The following COL6A5 variants were observed in gnomAD, a reference collection of about 807,000 sequenced individuals.
COL6A5 encodes collagen type VI alpha 5 chain, also known as collagen alpha-5(VI) chain.
A neutral mutation model predicts 65.6 loss-of-function variants in COL6A5; 48 were observed. The observed-to-expected ratio is 0.73, with a 90% CI of 0.58 to 0.93. The LOEUF (loss-of-function observed/expected upper bound fraction) is 0.93, where lower values mean the gene tolerates loss of function less well. Among genes scored for constraint, COL6A5 ranks in the 40% least tolerant of loss-of-function variants. The probability of loss-of-function intolerance (pLI) is 0.00; values close to 1 mark genes in which losing one functional copy is unlikely to be tolerated. For missense variants in COL6A5, 914 were observed against 928.3 expected (o/e 0.98, Z 0.20); for synonymous variants, 291 against 322.8 (o/e 0.90, Z 1.05).
chr3:130,428,063 G>C (rs1412498166), upstream of COL6A5, among the ~76,000 whole-genome samples: 4 of 152,152 alleles, frequency 2.6e-5, no homozygotes, highest in Non-Finnish European at 5.9e-5. Context: ...AAGGTAGGTG[G>C]AAGGGGCTGG....
intron 5 of COL6A5, among the ~76,000 whole-genome samples, chr3:130,461,875 T>C (rs1230946283): frequency 6.6e-6 from 1 of 151,898 alleles, no homozygotes; most frequent in Admixed American, 6.6e-5. Context: ...TGTAAATGAC[T>C]CCTAAGGCAT....
At chr3:130,467,081 T>G (rs1046841229) in intron 5 of COL6A5, among the ~76,000 whole-genome samples, 2 of 152,018 alleles carry the variant, frequency 1.3e-5, no homozygotes, top group Admixed American at 6.6e-5. Flanking sequence ...AGGGAATATT[T>G]CACAACTGAC....
chr3:130,362,290 A>C (rs1207169773), intron 1 of COL6A5, among the ~76,000 whole-genome samples: 5 of 2,400 alleles, frequency 2.1e-3, no homozygotes, highest in East Asian at 4.9e-3. Context: ...GTCTTTCTCC[A>C]TATATATATA....
At chr3:130,454,743 G>A (rs1476978616) in intron 4 of COL6A5, among the ~76,000 whole-genome samples, 1 of 152,140 alleles carries the variant, frequency 6.6e-6, no homozygotes, top group Non-Finnish European at 1.5e-5. Context: ...TCACAGCAGT[G>A]CTTGGTAGAT....
exon 3 of COL6A5, chr3:130,376,599 G>T (rs868668620): frequency 6.2e-7 from 1 of 1,608,996 alleles, no homozygotes; most frequent in South Asian, 1.1e-5. Flanking sequence ...CCTGGCTTCG[G>T]CTGAGTCTGA....
chr3:130,411,318 A>G (rs750992582), intron 20 of COL6A5, among the ~76,000 whole-genome samples: 5 of 152,232 alleles, frequency 3.3e-5, no homozygotes, highest in African/African-American at 9.6e-5. Context: ...AGAATAATGG[A>G]CAAAGTCCTA....
In COL6A5 at chr3:130,406,152, A is replaced by T. The variant is rs572953732; in HGVS notation, c.4402A>T (p.Ile1468Phe). 451 of 1,550,546 alleles carry T rather than the reference A, an allele frequency of 2.9e-4. 7 individuals carry two copies. In the South Asian group the frequency reaches 5.1e-3, roughly 17 times the overall value. The change falls in exon 16 of 42, where the codon ATT (isoleucine) becomes TTT (phenylalanine). Residue 1468 changes from isoleucine (I) to phenylalanine (F), a missense_variant and NMD_transcript_variant. Coordinates refer to the COL6A5 transcript ENST00000312481. ...TCAGGGAGGTCATGGAGACGATGGG[A>T]TTGATGGACTTGATGGGGAAGAGGT...
intron 5 of COL6A5, among the ~76,000 whole-genome samples, chr3:130,460,171 A>G (rs1406361316): frequency 2.0e-5 from 3 of 152,070 alleles, no homozygotes; most frequent in Non-Finnish European, 2.9e-5. Flanking sequence ...CTGCTTTCCT[A>G]TCAGTACACT....
rs1308324485 is a variant in COL6A5, at chr3:130,458,441, G to A, written c.1544+2775G>A. ...TACACAAGCAGCATCAGCATCACCT[G>A]GGAACTCATTAGACATGCAGATTCT... On this transcript the variant is annotated intron_variant, in intron 5 of 7. Coordinates refer to ENST00000512836, the Ensembl canonical transcript of COL6A5. Among the ~76,000 whole-genome samples, 5 of 152,090 alleles carry A rather than the reference G, an allele frequency of 3.3e-5. No individual in the cohort carries two copies. In the East Asian group the frequency reaches 9.7e-4, roughly 29 times the overall value.
exon 6 of COL6A5, chr3:130,388,880 C>G: frequency 1.3e-6 from 2 of 1,550,182 alleles, no homozygotes; most frequent in Non-Finnish European, 8.7e-7. Context: ...TTCACCCACT[C>G]CAAGGGGGCC....
intron 5 of COL6A5, among the ~76,000 whole-genome samples, chr3:130,462,127 C>T (rs902579690): frequency 2.6e-5 from 4 of 152,080 alleles, no homozygotes; most frequent in African/African-American, 9.7e-5. Flanking sequence ...TTTAATGTGT[C>T]TATATTTCCC....
chr3:130,352,777 C>G (rs890980971), intron 1 of COL6A5, among the ~76,000 whole-genome samples: 1 of 152,026 alleles, frequency 6.6e-6, no homozygotes, highest in Non-Finnish European at 1.5e-5. Flanking sequence ...TATTATTTTC[C>G]AAAAATTATT....
At chr3:130,405,731 C>T (rs1936965237) in intron 14 of COL6A5, 72 bp downstream of exon 14, 1 of 1,255,728 alleles carries the variant, frequency 8.0e-7, no homozygotes, top group Non-Finnish European at 1.1e-6. Flanking sequence ...CATTCCTTTC[C>T]TCCCTCATTT....
At chr3:130,410,715 T>G (rs574718689) in intron 20 of COL6A5, among the ~76,000 whole-genome samples, 191 bp downstream of exon 20, 96 of 152,288 alleles carry the variant, frequency 6.3e-4, no homozygotes, top group African/African-American at 2.2e-3. Flanking sequence ...CATTGCCAGA[T>G]GTTTTGCAGC....
intron 1 of COL6A5, among the ~76,000 whole-genome samples, chr3:130,357,024 AT>A (rs1934947862): frequency 6.6e-6 from 1 of 152,230 alleles, no homozygotes; most frequent in Non-Finnish European, 1.5e-5. Context: ...TACCAAAAGA[AT>A]TGATTAGTAA....
At chr3:130,368,722 G>A (rs184222083) in intron 1 of COL6A5, among the ~76,000 whole-genome samples, 1 of 152,194 alleles carries the variant, frequency 6.6e-6, no homozygotes, top group East Asian at 1.9e-4. Flanking sequence ...GTGGAGGAGT[G>A]GTGCCATGGA....
chr3:130,453,133 C>T (rs1386900784), intron 4 of COL6A5, among the ~76,000 whole-genome samples: 1 of 152,024 alleles, frequency 6.6e-6, no homozygotes, highest in Admixed American at 6.6e-5. Flanking sequence ...CCTGAGGTGA[C>T]ATACATCCTC....
chr3:130,378,343 C>T, intron 3 of COL6A5, among the ~76,000 whole-genome samples: 1 of 152,152 alleles, frequency 6.6e-6, no homozygotes, highest in Non-Finnish European at 1.5e-5. Flanking sequence ...GTTTTCACCA[C>T]TTCCTCTTTT....
intron 22 of COL6A5, among the ~76,000 whole-genome samples, chr3:130,414,390 G>T (rs1457330466): frequency 6.6e-6 from 1 of 152,006 alleles, no homozygotes; most frequent in African/African-American, 2.4e-5. Context: ...AATAGTGAAT[G>T]ATTAATACCT....
Sources: gnomAD v4.1 joint callset for allele counts (sites outside exome capture counted in the v4.1 genomes callset) on GRCh38, gnomAD v4.1.1 for gene constraint, MANE v1.5 for transcripts, NCBI Gene and HGNC (gene_info 2026-07-23, HGNC 2026-07-21) for gene names.